The following RUNX1 variants were observed in gnomAD, a reference collection of about 807,000 sequenced individuals.
RUNX1 encodes RUNX family transcription factor 1.
A neutral mutation model predicts 42.8 loss-of-function variants in RUNX1; 19 were observed. That is an observed-to-expected ratio of 0.44 (90% confidence interval 0.31 to 0.65). RUNX1 has a LOEUF of 0.65. RUNX1 is among the 30% of genes least tolerant of loss of function. The pLI, the probability that RUNX1 is intolerant of heterozygous loss-of-function variation, is 0.07. For missense variants in RUNX1, 528 were observed against 672.0 expected (o/e 0.79, Z 2.37); for synonymous variants, 271 against 289.4 (o/e 0.94, Z 0.64).
intron 2 of RUNX1, among the ~76,000 whole-genome samples, chr21:34,983,720 T>G (rs1423519300): frequency 6.6e-6 from 1 of 152,148 alleles, no homozygotes; most frequent in Non-Finnish European, 1.5e-5. Context: ...TTTGGTGTGT[T>G]GTGGGGGGAA....
intron 2 of RUNX1, among the ~76,000 whole-genome samples, chr21:35,007,006 G>A (rs1262049837): frequency 6.6e-6 from 1 of 152,138 alleles, no homozygotes; most frequent in Non-Finnish European, 1.5e-5. Context: ...GCACTGCTTG[G>A]TATTGGTGCC....
In RUNX1 at chr21:34,821,381, T is replaced by C. The variant is rs1209236906; in HGVS notation, c.805+13029A>G. The C allele has an allele frequency of 5.6e-6, 7 of 1,250,234 alleles. No individual in the cohort carries two copies. The East Asian group carries it at 2.1e-4, about 37-fold the overall frequency. The allele number at this position is 1,250,234 out of a possible 1,614,324, so 77.4% of individuals were successfully genotyped here. A position where few individuals can be genotyped will look rare whatever the true frequency, so the allele number is the denominator to read the frequency against. ...TATATCTCAAAGACTTTGTGAAGGA[T>C]TAATAAATACACACAATGCTTCCCA... On this transcript the variant is annotated intron_variant, in intron 7 of 8. Transcript: ENST00000675419.
At chr21:34,888,512 AAAC>A (rs1461787725) in intron 3 of RUNX1, 3 of 1,066,174 alleles carry the variant, frequency 2.8e-6, no homozygotes, top group African/African-American at 3.3e-5. Context: ...AAACAAAAAA[AAAC>A]AACAAAAAAA....
chr21:34,940,322 AGTG>A (rs1325260352), intron 2 of RUNX1, among the ~76,000 whole-genome samples: 5 of 152,314 alleles, frequency 3.3e-5, no homozygotes, highest in African/African-American at 1.2e-4. Context: ...TGATCTCCCA[AGTG>A]GTACACAGCC....
At chr21:34,862,887 GT>G (rs1258105652) in intron 5 of RUNX1, among the ~76,000 whole-genome samples, 1 of 152,166 alleles carries the variant, frequency 6.6e-6, no homozygotes, top group Non-Finnish European at 1.5e-5. Context: ...GCACGCGTGT[GT>G]TTTACCCTCT....
chr21:34,836,769 G>C (rs889041154), intron 6 of RUNX1, among the ~76,000 whole-genome samples: 1 of 152,190 alleles, frequency 6.6e-6, no homozygotes, highest in Non-Finnish European at 1.5e-5. Flanking sequence ...ACTGTGTCAA[G>C]GACAGTGGGT....
chr21:34,985,315 G>A (rs990116), intron 2 of RUNX1, among the ~76,000 whole-genome samples: 52,091 of 152,062 alleles, frequency 0.34, 8,989 homozygotes, highest in East Asian at 0.41. Context: ...CCAGTCTTGG[G>A]TTCAGGCCCA....
intron 2 of RUNX1, 63 bp downstream of exon 2, chr21:35,048,779 C>A: frequency 7.2e-7 from 1 of 1,392,628 alleles, no homozygotes; most frequent in Non-Finnish European, 1.0e-6. Flanking sequence ...GTGAAACAAG[C>A]TGCCATTTCA....
chr21:34,845,031 A>G (rs1276949285), intron 6 of RUNX1, among the ~76,000 whole-genome samples: 4 of 152,230 alleles, frequency 2.6e-5, no homozygotes, highest in Non-Finnish European at 5.9e-5. Context: ...TTCAGGCATC[A>G]GGCTCACTTC....
At chr21:35,018,026 T>A (rs1426654256) in intron 2 of RUNX1, among the ~76,000 whole-genome samples, 2 of 151,794 alleles carry the variant, frequency 1.3e-5, no homozygotes, top group African/African-American at 4.8e-5. Context: ...CCTGTTTTTG[T>A]TTGTTTGTTT....
At chr21:34,951,570 G>T (rs2058608006) in intron 2 of RUNX1, among the ~76,000 whole-genome samples, 1 of 151,560 alleles carries the variant, frequency 6.6e-6, no homozygotes, top group African/African-American at 2.4e-5. Flanking sequence ...GTGGGCAAAG[G>T]ATATGAACAG....
In RUNX1 at chr21:35,001,848, C is replaced by G. The variant is rs903246100; in HGVS notation, c.58+46994G>C. Among the ~76,000 whole-genome samples, 6 of 152,170 alleles carry G rather than the reference C, an allele frequency of 3.9e-5. No individual in the cohort carries two copies. In the East Asian group the frequency reaches 1.2e-3, roughly 29 times the overall value. ...GAGCAGTTGTGTTTCTACATACTTG[C>G]AATGACCAATTCAAAAAGGTAACTG... is the stretch of plus-strand genomic sequence containing the variant. On this transcript the variant is annotated intron_variant, in intron 2 of 8. Transcript: ENST00000675419.
chr21:34,890,341 A>G (rs996664498), intron 3 of RUNX1, among the ~76,000 whole-genome samples: 1 of 152,096 alleles, frequency 6.6e-6, no homozygotes, highest in Non-Finnish European at 1.5e-5. Context: ...TTCGAGGATA[A>G]AAGACAGGAA....
In RUNX1 at chr21:34,880,621, G is replaced by C. The variant is rs773689002; in HGVS notation, c.444C>G (p.Thr148=). 6.2e-7 allele frequency: 1 copy of C among 1,614,054 alleles called. No homozygotes were observed. Among genetic ancestry groups the C allele is most frequent in the Non-Finnish European group, 8.5e-7 (1 of 1,179,978 alleles). The change falls in exon 5 of 9, where the codon ACC becomes ACG. Residue 148 remains threonine, a synonymous_variant. Coordinates refer to ENST00000675419, the MANE Select transcript of RUNX1 (RefSeq NM_001754.5). ...ENYSAELRNA[T]AAMKNQVARF... is the part of the protein sequence containing the mutation. Reference sequence around the variant, plus strand: ...TTGCAACCTGGTTCTTCATGGCTGCGGTAGCATTTCTCAGCTCAGCCGAGT... The same window carrying C: ...TTGCAACCTGGTTCTTCATGGCTGCCGTAGCATTTCTCAGCTCAGCCGAGT...
intron 7 of RUNX1, among the ~76,000 whole-genome samples, chr21:34,804,057 G>A (rs1273615327): frequency 6.6e-6 from 1 of 152,182 alleles, no homozygotes; most frequent in Non-Finnish European, 1.5e-5. Flanking sequence ...AAGTTGCAGG[G>A]CAAACTGCAA....
chr21:35,023,159 G>T (rs959369157), intron 2 of RUNX1, among the ~76,000 whole-genome samples: 1 of 151,992 alleles, frequency 6.6e-6, no homozygotes, highest in Non-Finnish European at 1.5e-5. Context: ...GCCCAGTCTG[G>T]TCTCAAACTC....
chr21:34,856,975 T>C (rs1412654818), intron 6 of RUNX1, among the ~76,000 whole-genome samples: 1 of 152,176 alleles, frequency 6.6e-6, no homozygotes, highest in East Asian at 1.9e-4. Flanking sequence ...GAAACCAGCA[T>C]ACTAAAATTA....
chr21:34,998,804 G>C (rs1474906616), intron 2 of RUNX1, among the ~76,000 whole-genome samples: 2 of 152,212 alleles, frequency 1.3e-5, no homozygotes, highest in Non-Finnish European at 2.9e-5. Flanking sequence ...CCCTCCCAAA[G>C]TGCTGGGATT....
At chr21:34,834,634 G>GA (rs111408669) in intron 6 of RUNX1, 33 bp from the exon 7 acceptor site, 1 of 1,139,476 alleles carries the variant, frequency 8.8e-7, no homozygotes, top group South Asian at 1.2e-5. Flanking sequence ...GAGGGGATGG[G>GA]GGGAGGGAAG....
Sources: allele counts gnomAD v4.1 joint callset (sites outside exome capture counted in the v4.1 genomes callset), GRCh38; gene constraint gnomAD v4.1.1; transcripts MANE v1.5; gene names NCBI Gene and HGNC (gene_info 2026-07-23, HGNC 2026-07-21).